Variants in AFF2 observed in about 807,000 individuals in gnomAD.
AFF2 encodes the protein AF4/FMR2 family member 2.
AFF2 carries 14 observed loss-of-function variants against 76.9 expected under a neutral mutation model. The ratio of observed to expected loss-of-function variants is 0.18; its 90% CI spans 0.12 to 0.28. AFF2 has a LOEUF of 0.28. Ranked by LOEUF, AFF2 falls within the 10% of genes least tolerant of loss-of-function variation. The probability of loss-of-function intolerance (pLI) is 1.00; values close to 1 mark genes in which losing one functional copy is unlikely to be tolerated. For missense variants in AFF2, 868 were observed against 1,001.1 expected, an observed-to-expected ratio of 0.87 and a Z score of 1.79; for synonymous variants, 398 against 366.7, an observed-to-expected ratio of 1.09 and a Z score of -0.98.
At chrX:148,607,504 C>T (rs1400877053) in intron 1 of AFF2, among the ~76,000 whole-genome samples, 1 of 111,693 alleles carries the variant, frequency 9.0e-6, no homozygotes, top group Non-Finnish European at 1.9e-5. Flanking sequence ...CCTCCTTCCC[C>T]TTTCACCATG....
intron 3 of AFF2, among the ~76,000 whole-genome samples, chrX:148,743,527 T>G (rs1458461593): frequency 9.0e-6 from 1 of 111,614 alleles, no homozygotes; most frequent in Non-Finnish European, 1.9e-5. Flanking sequence ...ATATTTAAAT[T>G]TTGTTTGATG....
intron 1 of AFF2, among the ~76,000 whole-genome samples, chrX:148,510,730 A>G (rs2052473842): frequency 8.9e-6 from 1 of 112,179 alleles, no homozygotes; most frequent in African/African-American, 3.2e-5. Context: ...ACTTGACAAG[A>G]ATGTGAGCTC....
intron 4 of AFF2, among the ~76,000 whole-genome samples, chrX:148,815,257 T>G (rs932698189): frequency 2.7e-5 from 3 of 112,077 alleles, no homozygotes; most frequent in Non-Finnish European, 5.6e-5. Context: ...TGCCCTTTGC[T>G]AATCTGATGA....
At chrX:148,671,943 A>G (rs2054428397) in intron 3 of AFF2, among the ~76,000 whole-genome samples, 1 of 111,858 alleles carries the variant, frequency 8.9e-6, no homozygotes, top group Admixed American at 9.5e-5. Context: ...CAGATTCAGT[A>G]TGCAGTAAAA....
At chrX:148,969,662 A>AT (rs112934750) in intron 15 of AFF2, among the ~76,000 whole-genome samples, 15,186 of 111,002 alleles carry the variant, frequency 0.14, 1,444 homozygotes, top group African/African-American at 0.33. Context: ...GGAACCATTC[A>AT]TTTTTTTCTG....
intron 7 of AFF2, among the ~76,000 whole-genome samples, chrX:148,853,596 G>T (rs189417335): frequency 1.8e-5 from 2 of 112,053 alleles, no homozygotes; most frequent in African/African-American, 6.5e-5. Context: ...GGTGACCTAA[G>T]TGAGGCGTCC....
chrX:148,894,774 A>G (rs1313540755), intron 8 of AFF2, among the ~76,000 whole-genome samples: 2 of 111,131 alleles, frequency 1.8e-5, no homozygotes, highest in African/African-American at 6.6e-5. Flanking sequence ...AGTAAAGAAA[A>G]TCAGTATATT....
At chrX:148,781,455 C>G (rs1286500211) in intron 3 of AFF2, among the ~76,000 whole-genome samples, 1 of 112,499 alleles carries the variant, frequency 8.9e-6, no homozygotes, top group Non-Finnish European at 1.9e-5. Flanking sequence ...GGCAGTCTGA[C>G]TATACCGGCT....
intron 3 of AFF2, among the ~76,000 whole-genome samples, chrX:148,806,578 T>G (rs1027888211): frequency 2.2e-4 from 25 of 111,989 alleles, no homozygotes; most frequent in Non-Finnish European, 7.5e-5. Flanking sequence ...TGATGCTGCC[T>G]CCAGTGTCTT....
At chrX:148,903,136 A>T (rs1016331475) in intron 8 of AFF2, among the ~76,000 whole-genome samples, 1 of 111,593 alleles carries the variant, frequency 9.0e-6, no homozygotes, top group Non-Finnish European at 1.9e-5. Flanking sequence ...CCAAACAGAT[A>T]CTTTTTTAAA....
At chrX:148,538,973 C>T (rs2052821326) in intron 1 of AFF2, among the ~76,000 whole-genome samples, 1 of 111,811 alleles carries the variant, frequency 8.9e-6, no homozygotes, top group Non-Finnish European at 1.9e-5. Context: ...CAGTTATGTT[C>T]CTTGCTGATC....
At chrX:148,861,133 T>G (rs1293724988) in intron 7 of AFF2, among the ~76,000 whole-genome samples, 2 of 111,669 alleles carry the variant, frequency 1.8e-5, no homozygotes, top group Non-Finnish European at 3.8e-5. Flanking sequence ...TTTTGAGAAA[T>G]TGAGTATACT....
intron 3 of AFF2, among the ~76,000 whole-genome samples, chrX:148,775,583 A>C (rs782201552): frequency 6.2e-5 from 7 of 112,098 alleles, no homozygotes; most frequent in African/African-American, 2.3e-4. Flanking sequence ...TCCAAAATCA[A>C]GGTGACTGTG....
intron 3 of AFF2, among the ~76,000 whole-genome samples, chrX:148,793,270 G>A (rs2069923884): frequency 9.1e-6 from 1 of 110,471 alleles, no homozygotes; most frequent in Non-Finnish European, 1.9e-5. Flanking sequence ...GGGAGGGCAG[G>A]GCCTACACTG....
chrX:148,629,524 G>A (rs1261646504), intron 1 of AFF2, among the ~76,000 whole-genome samples: 1 of 111,679 alleles, frequency 9.0e-6, no homozygotes, highest in African/African-American at 3.3e-5. Flanking sequence ...AAGGCACATT[G>A]GTACAGAGTT....
intron 3 of AFF2, among the ~76,000 whole-genome samples, chrX:148,730,542 C>T (rs781978278): frequency 4.4e-5 from 5 of 113,069 alleles, no homozygotes; most frequent in African/African-American, 1.6e-4. Context: ...GATGACATTT[C>T]CTTTCAGGAA....
chrX:148,848,704 A>G (rs1557274999), intron 7 of AFF2, among the ~76,000 whole-genome samples: 1 of 112,505 alleles, frequency 8.9e-6, no homozygotes, highest in East Asian at 2.8e-4. Context: ...ATTTAAAAAT[A>G]CTGCTAATCA....
chrX:148,546,829 T>C (rs1011914400), intron 1 of AFF2: 6 of 111,885 alleles, frequency 5.4e-5, no homozygotes, highest in African/African-American at 2.0e-4. Flanking sequence ...TAGTATTGGG[T>C]TTAGATGTAT....
intron 1 of AFF2, among the ~76,000 whole-genome samples, chrX:148,613,798 C>T (rs937100308): frequency 7.2e-5 from 8 of 111,833 alleles, no homozygotes; most frequent in East Asian, 2.8e-4. Context: ...GTCCTCATCA[C>T]TTCTGAGAAA....
Sources: gnomAD v4.1 joint callset for allele counts (sites outside exome capture counted in the v4.1 genomes callset) on GRCh38, gnomAD v4.1.1 for gene constraint, MANE v1.5 for transcripts, NCBI Gene and HGNC (gene_info 2026-07-23, HGNC 2026-07-21) for gene names.